The following MORN1 variants were observed in gnomAD, a reference collection of about 807,000 sequenced individuals.
MORN1 encodes MORN repeat containing 1.
Under a neutral mutation model 61.9 loss-of-function variants are expected in MORN1, and 67 were observed. The observed-to-expected ratio is 1.08, with a 90% CI of 0.89 to 1.33. The LOEUF (loss-of-function observed/expected upper bound fraction) is 1.33. MORN1 is among the 40% of genes most tolerant of loss of function. MORN1 has a pLI of 0.00. For missense variants in MORN1, 752 were observed against 691.2 expected (o/e 1.09, Z -0.99); for synonymous variants, 301 against 292.0 (o/e 1.03, Z -0.31).
chr1:2,326,193 A>G (rs1641022769), intron 12 of MORN1: 1 of 152,236 alleles, frequency 6.6e-6, no homozygotes, highest in African/African-American at 2.4e-5. Context: ...CAACTGGGTG[A>G]AAAAGAATGA....
chr1:2,329,072 C>T (rs572363509), intron 12 of MORN1, among the ~76,000 whole-genome samples: 220 of 152,274 alleles, frequency 1.4e-3, no homozygotes, highest in African/African-American at 4.7e-3. Context: ...CCCCAGTGGG[C>T]GGTCAGCTTC....
At chr1:2,355,820 G>A (rs1252097426) in intron 10 of MORN1, among the ~76,000 whole-genome samples, 9 of 152,214 alleles carry the variant, frequency 5.9e-5, no homozygotes, top group Admixed American at 5.2e-4. Context: ...GGAGAGCCCA[G>A]AGCTGAGCTG....
At position 2,334,669 on chromosome 1, in the gene MORN1, A is replaced by G. The variant is rs1032443887; in HGVS notation, c.1250+1800T>C. ...GCCCCGAAGAGACGACATCATTTGA[A>G]CACTGAACACTCCGACTCCGCGGCC... On this transcript the variant is annotated intron_variant, in intron 12 of 13. Coordinates refer to ENST00000378531, the MANE Select transcript of MORN1 (RefSeq NM_024848.3). This position sits in a 1 kb window ranked among gnomAD's most constrained non-coding sequence, Gnocchi z 5.4. Among the ~76,000 whole-genome samples, 1 of 152,118 alleles carries G rather than the reference A, an allele frequency of 6.6e-6. No homozygotes were observed. The highest frequency in any genetic ancestry group is 1.5e-5 in the Non-Finnish European group (1 of 68,026).
chr1:2,336,832 TG>T lies in MORN1; in HGVS notation c.1054del (p.His352IlefsTer81). The T allele has an allele frequency of 1.9e-6, 3 of 1,581,302 alleles. No individual in the cohort carries two copies. Among genetic ancestry groups the T allele is most frequent in the South Asian group, 1.2e-5 (1 of 86,196 alleles). On this transcript the variant is annotated frameshift_variant, in exon 11 of 14. Coordinates refer to ENST00000378531, the MANE Select transcript of MORN1 (RefSeq NM_024848.3). LOFTEE classifies it high-confidence loss of function. ...GGLLARGHAP[H>X]CPGACQRVEQ... ...CACTCGCTGACAGGCCCCGGGACAATGGGGCGCATGTCCCCTGGCTGAGGAG... is the reference window on the plus strand; with the variant it reads ...CACTCGCTGACAGGCCCCGGGACAATGGGCGCATGTCCCCTGGCTGAGGAG...
At position 2,336,827 on chromosome 1, in the gene MORN1, G is replaced by A. The variant is rs778925262; in HGVS notation, c.1060C>T (p.Pro354Ser). 18 of 1,587,716 alleles carry A rather than the reference G, an allele frequency of 1.1e-5. No homozygotes were observed. The highest frequency in any genetic ancestry group is 1.5e-5 in the Non-Finnish European group (18 of 1,169,350). Residue 354 changes from proline (P) to serine (S), a missense_variant, in exon 11 of 14, where the codon CCC (proline) becomes TCC (serine). Physicochemically the swap from Pro to Ser is moderately conservative, Grantham distance 74. Transcript: ENST00000378531. ...TGCTCCACTCGCTGACAGGCCCCGGGACAATGGGGCGCATGTCCCCTGGCT... is the reference window on the plus strand; with the variant it reads ...TGCTCCACTCGCTGACAGGCCCCGGAACAATGGGGCGCATGTCCCCTGGCT... ...LLARGHAPHC[P>S]GACQRVEQGC...
rs370169665 is a variant in MORN1 at position 2,378,983 on chromosome 1, G to A, written c.538-4426C>T. On this transcript the variant is annotated intron_variant, in intron 6 of 13. Transcript: ENST00000378531. Reference sequence around the variant, plus strand: ...TTCTTATTTTCCGTCAGAAGAAGCTGTAACACGTTTATTTTCAGGAATGCA... The same window carrying A: ...TTCTTATTTTCCGTCAGAAGAAGCTATAACACGTTTATTTTCAGGAATGCA... 1.7e-4 allele frequency: 82 copies of A among 469,842 alleles called. No homozygotes were observed. In the East Asian group the frequency reaches 5.1e-3, roughly 29 times the overall value. The allele number at this position is 469,842 out of a possible 1,614,324, so 29.1% of individuals were successfully genotyped here. A position where few individuals can be genotyped will look rare whatever the true frequency, so the allele number is the denominator to read the frequency against.
At chr1:2,343,015 G>T (rs897952070) in intron 10 of MORN1, among the ~76,000 whole-genome samples, 2 of 151,808 alleles carry the variant, frequency 1.3e-5, no homozygotes, top group African/African-American at 4.8e-5. Context: ...CTGGGATCAC[G>T]GGCGTGGCCC....
At chr1:2,347,182 G>T (rs1641537065) in intron 10 of MORN1, among the ~76,000 whole-genome samples, 1 of 152,226 alleles carries the variant, frequency 6.6e-6, no homozygotes, top group African/African-American at 2.4e-5. Flanking sequence ...GCTGGGGGAG[G>T]TGGTTTCCCA....
At chr1:2,325,154 TCCCTC>T (rs1640989995) in intron 12 of MORN1, among the ~76,000 whole-genome samples, 8 of 130,964 alleles carry the variant, frequency 6.1e-5, no homozygotes, top group African/African-American at 2.1e-4. Flanking sequence ...CTCCCTTCCT[TCCCTC>T]CCTTCCTTCC....
rs146713948 is a variant in MORN1 at position 2,348,453 on chromosome 1, C to G, written c.1036+8979G>C. Among the ~76,000 whole-genome samples the G allele has an allele frequency of 5.2e-4, 79 of 152,318 alleles. 1 individual carries two copies. The highest frequency in any genetic ancestry group is 1.9e-3 in the African/African-American group (77 of 41,572). ...CCCTCCATGGGGGAAGTGCCTCCAT[C>G]CTGCCCCAGCCTGGATCCGCCGCTT... On this transcript the variant is annotated intron_variant, in intron 10 of 13. Transcript: ENST00000378531.
intron 8 of MORN1, among the ~76,000 whole-genome samples, chr1:2,361,583 A>G (rs958810234): frequency 6.6e-6 from 1 of 152,140 alleles, no homozygotes; most frequent in Non-Finnish European, 1.5e-5. Context: ...ATAAATAAAT[A>G]AGAAAAAAGA....
intron 12 of MORN1, among the ~76,000 whole-genome samples, chr1:2,330,749 G>A (rs542417035): frequency 2.6e-5 from 4 of 152,292 alleles, no homozygotes; most frequent in East Asian, 1.9e-4. Context: ...GCCTGTGGTC[G>A]GGCTGAGGGA....
intron 6 of MORN1, chr1:2,374,906 G>GTATC (rs1553221081): frequency 8.8e-6 from 2 of 226,628 alleles, no homozygotes; most frequent in African/African-American, 4.6e-5. Context: ...TTTGTGGCAT[G>GTATC]TATCATAAAG....
At chr1:2,322,876 G>A (rs1420426909) in intron 13 of MORN1, 1 of 985,312 alleles carries the variant, frequency 1.0e-6, no homozygotes, top group African/African-American at 1.7e-5. Context: ...GGGCGGCAAG[G>A]GCTCTGGCTG....
rs1183229802 is a variant in MORN1 at position 2,385,976 on chromosome 1, G to A, written c.359-79C>T. The A allele has an allele frequency of 5.3e-6, 7 of 1,328,948 alleles. No individual in the cohort carries two copies. The African/African-American group carries it at 8.7e-5, about 16-fold the overall frequency. The allele number at this position is 1,328,948 out of a possible 1,614,324, so 82.3% of individuals were successfully genotyped here. On this transcript the variant is annotated intron_variant, in intron 4 of 13. Coordinates refer to ENST00000378531, the MANE Select transcript of MORN1 (RefSeq NM_024848.3). ...GAAGGGATCTGCCCTCCGCTCCTTG[G>A]AGGGCGGGCAGGAGCAAAGTAGCAA...
intron 13 of MORN1, chr1:2,322,879 T>G: frequency 1.0e-6 from 1 of 985,388 alleles, no homozygotes; most frequent in Non-Finnish European, 1.2e-6. Context: ...CGGCAAGGGC[T>G]CTGGCTGGTG....
intron 10 of MORN1, chr1:2,351,912 C>A: frequency 2.0e-6 from 1 of 510,284 alleles, no homozygotes. Flanking sequence ...AGCTTCTGAA[C>A]CTGGTATGAG....
At chr1:2,336,952 G>A (rs1324341045) in intron 10 of MORN1, 102 bp from the exon 11 acceptor site, 5 of 1,286,208 alleles carry the variant, frequency 3.9e-6, no homozygotes, top group Non-Finnish European at 3.0e-6. Context: ...CAGGGCAGCG[G>A]GCACAGACGC....
chr1:2,321,572 G>C lies in MORN1; in HGVS notation c.1305C>G (p.Tyr435Ter). The change falls in exon 14 of 14, where the codon TAC becomes TAG. Residue 435 changes from tyrosine (Y) to a stop codon, truncating the protein, a stop_gained. Coordinates refer to ENST00000378531, the MANE Select transcript of MORN1 (RefSeq NM_024848.3). LOFTEE classifies it low-confidence loss of function (END_TRUNC). Reference protein sequence around the residue: ...EQAAAAHLGEYVLMIRDVTTP... With the variant: ...EQAAAAHLGE ...TGGTCACGTCGCGGATCATGAGCAC[G>C]TACTCCCCTGCAAGGGGCGGGTGGG... 1 of 1,503,470 alleles carries C rather than the reference G, an allele frequency of 6.7e-7. No individual in the cohort carries two copies. The highest frequency in any genetic ancestry group is 8.9e-7 in the Non-Finnish European group (1 of 1,123,288). 93.1% of individuals were successfully genotyped at this position (1,503,470 alleles called of 1,614,324 possible). A position where few individuals can be genotyped will look rare whatever the true frequency, so the allele number is the denominator to read the frequency against.
Sources: allele counts gnomAD v4.1 joint callset (sites outside exome capture counted in the v4.1 genomes callset), GRCh38; gene constraint gnomAD v4.1.1; non-coding constraint Gnocchi (gnomAD v3.1); transcripts MANE v1.5; gene names NCBI Gene and HGNC (gene_info 2026-07-23, HGNC 2026-07-21).